The following BICD1 variants were observed in gnomAD, a reference collection of about 807,000 sequenced individuals.
BICD1 encodes the protein BICD cargo adaptor 1.
In BICD1, 35 loss-of-function variants were observed where a neutral mutation model predicts 92.5. The observed-to-expected ratio is 0.38, with a 90% CI of 0.29 to 0.50. BICD1 has a LOEUF of 0.50. BICD1 is among the 20% of genes least tolerant of loss of function. The pLI is 0.93. For synonymous variants in BICD1, 429 were observed against 465.1 expected, an observed-to-expected ratio of 0.92 and a Z score of 1.00; for missense variants, 950 against 1,189.8, an observed-to-expected ratio of 0.80 and a Z score of 2.97.
At chr12:32,142,576 C>T (rs562663272) in intron 1 of BICD1, among the ~76,000 whole-genome samples, 4 of 151,624 alleles carry the variant, frequency 2.6e-5, no homozygotes, top group Non-Finnish European at 5.9e-5. Flanking sequence ...GATTGTTTTT[C>T]TATAAAAAAG....
At chr12:32,220,540 T>C (rs1462446003) in intron 2 of BICD1, among the ~76,000 whole-genome samples, 1 of 151,078 alleles carries the variant, frequency 6.6e-6, no homozygotes, top group Non-Finnish European at 1.5e-5. Context: ...AAAACCACAA[T>C]GAGATACCAT....
At chr12:32,165,156 G>A (rs774990750) in intron 1 of BICD1, among the ~76,000 whole-genome samples, 11 of 152,214 alleles carry the variant, frequency 7.2e-5, no homozygotes, top group Non-Finnish European at 1.6e-4. Context: ...GGAGGGGAAA[G>A]ACTAGAGTTA....
intron 1 of BICD1, among the ~76,000 whole-genome samples, chr12:32,140,278 G>C (rs1476071844): frequency 6.6e-6 from 1 of 152,184 alleles, no homozygotes; most frequent in Admixed American, 6.5e-5. Flanking sequence ...AAATCTGTTA[G>C]ATGAAAGCTT....
At chr12:32,345,584 T>C (rs1938536607) in intron 8 of BICD1, among the ~76,000 whole-genome samples, 1 of 152,152 alleles carries the variant, frequency 6.6e-6, no homozygotes, top group Non-Finnish European at 1.5e-5. Context: ...TGCATGCCGG[T>C]TTTTTTCACT....
chr12:32,322,378 T>C (rs374971474), intron 4 of BICD1, among the ~76,000 whole-genome samples: 2 of 152,252 alleles, frequency 1.3e-5, no homozygotes, highest in African/African-American at 4.8e-5. Context: ...TGGAAGACAA[T>C]TTTTCCACAG....
chr12:32,207,528 ACATCT>A, intron 1 of BICD1, among the ~76,000 whole-genome samples: 1 of 152,220 alleles, frequency 6.6e-6, no homozygotes, highest in East Asian at 1.9e-4. Context: ...TTTTAAAAAA[ACATCT>A]CATTTAAAAT....
intron 8 of BICD1, 113 bp from the exon 9 acceptor site, chr12:32,367,557 G>T: frequency 1.6e-5 from 14 of 866,804 alleles, no homozygotes; most frequent in Admixed American, 2.2e-5. Flanking sequence ...GGATATTTCT[G>T]TGTGAATGCA....
rs199815574 is a variant in BICD1 at position 32,216,197 on chromosome 12, G to A, written c.214-50G>A. On this transcript the variant is annotated intron_variant, in intron 1 of 9. Coordinates refer to ENST00000652176, the MANE Select transcript of BICD1 (RefSeq NM_001714.4). ...ACATTTTCCCAAGTCTTAAAAGAGG[G>A]TTATGATGCATTTCATTGTGTACTC... 195 of 1,574,512 alleles carry A rather than the reference G, an allele frequency of 1.2e-4. 2 individuals carry two copies. In the East Asian group the frequency reaches 4.4e-3, roughly 35 times the overall value.
chr12:32,311,751 T>C (rs1948387016), intron 4 of BICD1, among the ~76,000 whole-genome samples: 1 of 152,168 alleles, frequency 6.6e-6, no homozygotes, highest in Admixed American at 6.5e-5. Flanking sequence ...ATGTTTCTTA[T>C]TGCACTTAGA....
intron 1 of BICD1, among the ~76,000 whole-genome samples, chr12:32,167,045 A>G (rs1460151144): frequency 6.6e-6 from 1 of 152,208 alleles, no homozygotes; most frequent in Non-Finnish European, 1.5e-5. Context: ...CTAGATTTTA[A>G]ATTTTTCCAC....
chr12:32,367,279 A>G (rs1219506220), intron 8 of BICD1, among the ~76,000 whole-genome samples: 1 of 152,174 alleles, frequency 6.6e-6, no homozygotes, highest in Admixed American at 6.6e-5. Flanking sequence ...AATGCGTTCC[A>G]TTTTGGAATA....
At chr12:32,202,390 A>AT (rs1310036175) in intron 1 of BICD1, among the ~76,000 whole-genome samples, 1 of 151,944 alleles carries the variant, frequency 6.6e-6, no homozygotes, top group Non-Finnish European at 1.5e-5. Flanking sequence ...AAGGGGTAAT[A>AT]TTTTTTTCTG....
intron 8 of BICD1, among the ~76,000 whole-genome samples, chr12:32,358,696 C>G (rs1303149208): frequency 6.6e-6 from 1 of 151,960 alleles, no homozygotes; most frequent in Non-Finnish European, 1.5e-5. Flanking sequence ...GAGATTGCAC[C>G]ACTGCACTCC....
rs71065000 is a variant in BICD1, at chr12:32,142,444, C to CCTATCTATCCTAT, written c.213+34910_213+34922dup. Among the ~76,000 whole-genome samples, 697 of 84,724 alleles carry CCTATCTATCCTAT rather than the reference C, an allele frequency of 8.2e-3. 8 individuals are homozygous for CCTATCTATCCTAT. Among genetic ancestry groups the CCTATCTATCCTAT allele is most frequent in the African/African-American group, 0.026 (576 of 21,908 alleles). The allele number at this position is 84,724 out of a possible 152,430, so 55.6% of individuals were successfully genotyped here. On this transcript the variant is annotated intron_variant, in intron 1 of 9. Coordinates refer to ENST00000652176, the MANE Select transcript of BICD1 (RefSeq NM_001714.4). The stretch of plus-strand genomic sequence containing the variant: ...AAAAAAAAAAAAACAAAAAACCCCA[C>CCTATCTATCCTAT]CTATCTATCCTATCTATCTATCTAT...
chr12:32,316,774 A>G (rs1277010414), intron 4 of BICD1, among the ~76,000 whole-genome samples: 1 of 151,934 alleles, frequency 6.6e-6, no homozygotes, highest in Non-Finnish European at 1.5e-5. Context: ...TTACATATGT[A>G]TACATGTGCC....
At chr12:32,130,644 A>T (rs907531635) in intron 1 of BICD1, among the ~76,000 whole-genome samples, 1 of 152,110 alleles carries the variant, frequency 6.6e-6, no homozygotes, top group Non-Finnish European at 1.5e-5. Flanking sequence ...CAGAAGCCAT[A>T]GGTGATTGTA....
At chr12:32,247,570 G>C (rs1018352927) in intron 2 of BICD1, among the ~76,000 whole-genome samples, 3 of 152,152 alleles carry the variant, frequency 2.0e-5, no homozygotes, top group Non-Finnish European at 4.4e-5. Context: ...CTCGAGGTCA[G>C]GAGTTCAAGA....
chr12:32,334,750 G>GC, intron 6 of BICD1, 83 bp downstream of exon 6: 1 of 1,467,056 alleles, frequency 6.8e-7, no homozygotes, highest in Non-Finnish European at 9.1e-7. Context: ...TGTGCATGTT[G>GC]AGTGTATTCG....
chr12:32,327,784 A>T lies in BICD1; in HGVS notation c.1329A>T (p.Lys443Asn), dbSNP rs776365092. 23 of 1,613,966 alleles carry T rather than the reference A, an allele frequency of 1.4e-5. No individual in the cohort carries two copies. The South Asian group carries it at 2.5e-4, about 18-fold the overall frequency. The change falls in exon 5 of 10, where the codon AAA becomes AAT. Residue 443 changes from lysine (K) to asparagine (N), a missense_variant. Lys to Asn is a moderately conservative substitution (Grantham distance 94, BLOSUM62 0). Transcript: ENST00000652176. ...AGGCCTTAAAGGAGAAATATAATAAATCTGTAGAAAACTACACTGATGAGA... is the reference window on the plus strand; with the variant it reads ...AGGCCTTAAAGGAGAAATATAATAATTCTGTAGAAAACTACACTGATGAGA... ...EIKALKEKYN[K>N]SVENYTDEKA... is the part of the protein sequence containing the mutation.
Sources: gnomAD v4.1 joint callset for allele counts (sites outside exome capture counted in the v4.1 genomes callset) on GRCh38, gnomAD v4.1.1 for gene constraint, MANE v1.5 for transcripts, NCBI Gene and HGNC (gene_info 2026-07-23, HGNC 2026-07-21) for gene names.